The following DNAI7 variants were observed in gnomAD, a reference collection of about 807,000 sequenced individuals.
DNAI7 encodes cancer susceptibility 1.
In DNAI7, 78 loss-of-function variants were observed where a neutral mutation model predicts 86.6. That is an observed-to-expected ratio of 0.90 (90% CI 0.75 to 1.09). DNAI7 has a LOEUF of 1.09. DNAI7 is among the 50% of genes least tolerant of loss of function. The pLI is 0.00. For synonymous variants in DNAI7, 274 were observed against 273.0 expected, an observed-to-expected ratio of 1.00 and a Z score of -0.04; for missense variants, 753 against 810.2, an observed-to-expected ratio of 0.93 and a Z score of 0.86.
chr12:25,143,568 T>G (rs1944469347), intron 9 of DNAI7, among the ~76,000 whole-genome samples: 1 of 152,234 alleles, frequency 6.6e-6, no homozygotes, highest in Non-Finnish European at 1.5e-5. Context: ...GAATTCTTAA[T>G]AAATCACGTG....
Position 25,144,363 on chromosome 12 carries a change from A to G in DNAI7, c.1002+2T>C. The G allele has an allele frequency of 6.2e-7, 1 of 1,607,140 alleles. No individual in the cohort carries two copies. The highest frequency in any genetic ancestry group is 1.3e-5 in the African/African-American group (1 of 74,754). On this transcript the variant is annotated splice_donor_variant, in intron 9 of 15. Transcript: ENST00000395987. LOFTEE classifies it high-confidence loss of function. ...AAATGTGTATATTTAAATGTGTCCT[A>G]CCATTTTCACTTCAATATCACCTTG...
intron 9 of DNAI7, among the ~76,000 whole-genome samples, chr12:25,138,266 C>T (rs545918045): frequency 7.2e-4 from 109 of 152,206 alleles, no homozygotes; most frequent in Non-Finnish European, 1.1e-3. Context: ...GAGGTGGAGA[C>T]CAGCCGGGCC....
At position 25,119,231 on chromosome 12, in the gene DNAI7, G is replaced by A; in HGVS notation, c.1310C>T (p.Ala437Val). The A allele has an allele frequency of 6.2e-7, 1 of 1,612,052 alleles. No individual in the cohort carries two copies. The highest frequency in any genetic ancestry group is 8.5e-7 in the Non-Finnish European group (1 of 1,178,356). ...AAGTGTGACCTCTATAGGTGGGAAA[G>A]CATTTTCTGTCTCAAACTCTTCTGT... is the stretch of plus-strand genomic sequence containing the variant. ...ETTEEFETENAFPPIEVTLEV... is the reference protein window; with the variant it reads ...ETTEEFETENVFPPIEVTLEV... Residue 437 changes from alanine (A) to valine (V), a missense_variant, in exon 12 of 16, where the codon GCT (alanine) becomes GTT (valine). Ala to Val is a moderately conservative substitution (Grantham distance 64). Transcript: ENST00000395987.
At chr12:25,113,992 CTGGAGTGCAGTGGT>C (rs1244969727) in intron 13 of DNAI7, among the ~76,000 whole-genome samples, 1 of 130,082 alleles carries the variant, frequency 7.7e-6, no homozygotes, top group African/African-American at 3.0e-5. Context: ...GTTGCCCAGG[CTGGAGTGCAGTGGT>C]ACGATCTCGG....
intron 4 of DNAI7, 33 bp from the exon 5 acceptor site, chr12:25,155,445 CTTTAAT>C (rs752152879): frequency 2.6e-5 from 31 of 1,179,712 alleles, no homozygotes; most frequent in Non-Finnish European, 3.6e-5. Flanking sequence ...TTGATCAGCT[CTTTAAT>C]TTTAACTTTA....
At chr12:25,189,581 G>A (rs1950325442) in intron 2 of DNAI7, among the ~76,000 whole-genome samples, 1 of 152,162 alleles carries the variant, frequency 6.6e-6, no homozygotes, top group East Asian at 1.9e-4. Context: ...GGTGGAAGTT[G>A]CAGTAAGCCA....
chr12:25,182,765 A>AT (rs1296091801), intron 2 of DNAI7, among the ~76,000 whole-genome samples: 8 of 151,506 alleles, frequency 5.3e-5, no homozygotes, highest in Admixed American at 3.3e-4. Flanking sequence ...TCTAAAAAAA[A>AT]TTTTTTTAAT....
chr12:25,191,138 T>C (rs571032128), intron 1 of DNAI7, among the ~76,000 whole-genome samples: 2 of 152,198 alleles, frequency 1.3e-5, no homozygotes, highest in Non-Finnish European at 2.9e-5. Context: ...CAAAGTAGCC[T>C]CACACGGTGG....
At chr12:25,167,995 C>G (rs1339442758) in intron 2 of DNAI7, among the ~76,000 whole-genome samples, 1 of 152,086 alleles carries the variant, frequency 6.6e-6, no homozygotes, top group Non-Finnish European at 1.5e-5. Context: ...TACCCAGCCC[C>G]GAAAATAACA....
chr12:25,159,705 T>C (rs765858089), intron 3 of DNAI7, among the ~76,000 whole-genome samples: 2 of 152,104 alleles, frequency 1.3e-5, no homozygotes, highest in East Asian at 3.8e-4. Flanking sequence ...GTGAAGTACA[T>C]ATTGAAGAGT....
intron 2 of DNAI7, among the ~76,000 whole-genome samples, chr12:25,174,570 TGG>T (rs1383698814): frequency 2.2e-5 from 1 of 44,816 alleles, no homozygotes; most frequent in African/African-American, 7.9e-5. Flanking sequence ...ATCATATATA[TGG>T]GATATATATC....
At chr12:25,162,310 G>A (rs986753979) in intron 2 of DNAI7, among the ~76,000 whole-genome samples, 1 of 152,172 alleles carries the variant, frequency 6.6e-6, no homozygotes, top group East Asian at 1.9e-4. Context: ...TCCAGAACAG[G>A]TGAATTTGAA....
At chr12:25,120,592 A>G (rs1048425490) in intron 11 of DNAI7, among the ~76,000 whole-genome samples, 5 of 151,766 alleles carry the variant, frequency 3.3e-5, no homozygotes, top group South Asian at 2.1e-4. Flanking sequence ...CGGGCGTGGT[A>G]GCGGGCGCCT....
At chr12:25,119,423 A>G (rs758617563) in intron 11 of DNAI7, 122 bp from the exon 12 acceptor site, 4 of 545,050 alleles carry the variant, frequency 7.3e-6, no homozygotes, top group Non-Finnish European at 1.2e-5. Context: ...CTATTTATAT[A>G]TAGATTAACA....
chr12:25,178,153 C>T (rs1949144657), intron 2 of DNAI7, among the ~76,000 whole-genome samples: 1 of 152,132 alleles, frequency 6.6e-6, no homozygotes, highest in South Asian at 2.1e-4. Flanking sequence ...TTTTGTCATG[C>T]TCTAGAAGAA....
intron 13 of DNAI7, 80 bp downstream of exon 13, chr12:25,114,576 T>C (rs1939679123): frequency 1.0e-5 from 9 of 859,458 alleles, no homozygotes; most frequent in Non-Finnish European, 1.7e-5. Context: ...CAGCCACTGA[T>C]TGCTTTTGAC....
intron 9 of DNAI7, among the ~76,000 whole-genome samples, chr12:25,136,916 T>C (rs12298984): frequency 0.027 from 4,093 of 152,306 alleles, 195 homozygotes; most frequent in African/African-American, 0.094. Context: ...TCTGGGATTA[T>C]GTAAACAACC....
intron 2 of DNAI7, among the ~76,000 whole-genome samples, chr12:25,187,741 AG>A (rs1326059915): frequency 6.6e-6 from 1 of 152,212 alleles, no homozygotes; most frequent in African/African-American, 2.4e-5. Context: ...AAGGTCCCCA[AG>A]GTATACTTAC....
chr12:25,138,865 A>G (rs1260123747), intron 9 of DNAI7, among the ~76,000 whole-genome samples: 1 of 144,472 alleles, frequency 6.9e-6, no homozygotes, highest in Non-Finnish European at 1.5e-5. Context: ...TCAGAGCAGA[A>G]CTAAATGAAA....
Sources: gnomAD v4.1 joint callset for allele counts (sites outside exome capture counted in the v4.1 genomes callset) on GRCh38, gnomAD v4.1.1 for gene constraint, MANE v1.5 for transcripts, NCBI Gene and HGNC (gene_info 2026-07-23, HGNC 2026-07-21) for gene names.